The following RCBTB1 variants were observed in gnomAD, a reference collection of about 807,000 sequenced individuals.
RCBTB1 encodes the protein RCC1 and BTB domain-containing protein 1.
In RCBTB1, 46 loss-of-function variants were observed where a neutral mutation model predicts 62.4. The observed-to-expected ratio is 0.74, with a 90% confidence interval of 0.58 to 0.94. The LOEUF (loss-of-function observed/expected upper bound fraction) is 0.94, where lower values mean the gene tolerates loss of function less well. Ranked by LOEUF, RCBTB1 falls within the 40% of genes least tolerant of loss-of-function variation. RCBTB1 has a pLI of 0.00. For synonymous variants in RCBTB1, 222 were observed against 245.8 expected, an observed-to-expected ratio of 0.90 and a Z score of 0.91; for missense variants, 565 against 654.9, an observed-to-expected ratio of 0.86 and a Z score of 1.50.
intron 1 of RCBTB1, among the ~76,000 whole-genome samples, chr13:49,583,004 C>G (rs1413844634): frequency 6.6e-6 from 1 of 152,070 alleles, no homozygotes; most frequent in Non-Finnish European, 1.5e-5. Flanking sequence ...TAGGGAGACC[C>G]TGTCTCTACA....
chr13:49,550,315 T>A (rs1401230707), intron 8 of RCBTB1: 1 of 339,892 alleles, frequency 2.9e-6, no homozygotes, highest in Non-Finnish European at 4.2e-6. Flanking sequence ...TCTCATCTCC[T>A]ACCAGAGCTC....
In RCBTB1 at chr13:49,559,926, C is replaced by G; in HGVS notation, c.436G>C (p.Asp146His). Residue 146 changes from aspartate (D) to histidine (H), a missense_variant, in exon 5 of 13, where the codon GAT becomes CAT. Transcript: ENST00000378302. ...AAAAGCAGCATACTTACCTCTCCAT[C>G]AGCTGCCAGAGCCATTGAATGATGT... is the stretch of plus-strand genomic sequence containing the variant. ...GSHHSMALAA[D>H]GEVFAWGYNN... 6.2e-7 allele frequency: 1 copy of G among 1,612,338 alleles called. No homozygotes were observed. Among genetic ancestry groups the G allele is most frequent in the African/African-American group, 1.3e-5 (1 of 74,936 alleles).
intron 5 of RCBTB1, among the ~76,000 whole-genome samples, chr13:49,556,595 C>A (rs1157419419): frequency 6.6e-6 from 1 of 152,044 alleles, no homozygotes; most frequent in Non-Finnish European, 1.5e-5. Flanking sequence ...AATGTCTAAG[C>A]CCCCGCTCCC....
chr13:49,542,228 A>G (rs954820198), intron 10 of RCBTB1, among the ~76,000 whole-genome samples: 1 of 110,178 alleles, frequency 9.1e-6, no homozygotes, highest in African/African-American at 3.5e-5. Flanking sequence ...AAAAAAAAAA[A>G]GTAAGTATAT....
At chr13:49,550,060 G>A (rs1448828136) in intron 8 of RCBTB1, among the ~76,000 whole-genome samples, 1 of 152,030 alleles carries the variant, frequency 6.6e-6, no homozygotes, top group African/African-American at 2.4e-5. Flanking sequence ...CATGACCATG[G>A]CTCACTGCAG....
chr13:49,568,699 G>C (rs1377032738), intron 2 of RCBTB1, among the ~76,000 whole-genome samples: 4 of 152,088 alleles, frequency 2.6e-5, no homozygotes, highest in Non-Finnish European at 5.9e-5. Context: ...GGGAGGCCAA[G>C]GTGGGCAGAT....
At chr13:49,546,409 C>G in intron 9 of RCBTB1, 1 of 952,990 alleles carries the variant, frequency 1.0e-6, no homozygotes. Context: ...CTTTTTGGTA[C>G]CAGGGACCAG....
At position 49,582,054 on chromosome 13, in the gene RCBTB1, C is replaced by T. The variant is rs1051035679; in HGVS notation, c.-121-1470G>A. Among the ~76,000 whole-genome samples the T allele has an allele frequency of 2.0e-5, 3 of 152,328 alleles. No individual in the cohort carries two copies. In the South Asian group the frequency reaches 6.2e-4, roughly 32 times the overall value. On this transcript the variant is annotated intron_variant, in intron 1 of 12. Transcript: ENST00000378302. ...AGAGTTGCAGGACGTTTTCTGTTAA[C>T]CTTTTTAATGTAAACATTGTTAGAG...
chr13:49,555,402 C>T (rs910898920), intron 6 of RCBTB1, 113 bp downstream of exon 6: 12 of 895,202 alleles, frequency 1.3e-5, no homozygotes, highest in African/African-American at 1.0e-4. Flanking sequence ...TTCAATGGAG[C>T]TACCAAAACA....
chr13:49,544,514 T>C (rs1248050544), intron 10 of RCBTB1, among the ~76,000 whole-genome samples: 2 of 151,880 alleles, frequency 1.3e-5, no homozygotes, highest in Non-Finnish European at 2.9e-5. Flanking sequence ...AAAAAACCAA[T>C]ATGGACAAAT....
intron 5 of RCBTB1, 120 bp downstream of exon 5, chr13:49,559,798 G>T: frequency 1.2e-6 from 1 of 850,754 alleles, no homozygotes; most frequent in Non-Finnish European, 1.8e-6. Context: ...ATGACAAGGT[G>T]AACATACTTA....
intron 4 of RCBTB1, among the ~76,000 whole-genome samples, chr13:49,563,296 G>A (rs957773705): frequency 1.5e-5 from 2 of 132,648 alleles, no homozygotes; most frequent in Non-Finnish European, 1.5e-5. Context: ...AGGTTGCAAT[G>A]AGCCATAATC....
chr13:49,539,019 A>G lies in RCBTB1; in HGVS notation c.1455+1857T>C, dbSNP rs149547943. ...CGAATAGCTGGGATTACAGGTACGC[A>G]CCACCACACCCAGCTAATTTTTGTA... is the stretch of plus-strand genomic sequence containing the variant. On this transcript the variant is annotated intron_variant, in intron 12 of 12. Transcript: ENST00000378302. 9.9e-3 allele frequency among the ~76,000 whole-genome samples: 1,507 copies of G among 151,678 alleles called. 15 individuals carry two copies. Among genetic ancestry groups the G allele is most frequent in the African/African-American group, 9.2e-3 (379 of 41,358 alleles).
chr13:49,578,474 T>C (rs1963916579), intron 2 of RCBTB1, among the ~76,000 whole-genome samples: 1 of 152,152 alleles, frequency 6.6e-6, no homozygotes, highest in African/African-American at 2.4e-5. Flanking sequence ...GCCAGGGACA[T>C]CATAAAGAAT....
At chr13:49,538,154 C>T (rs1960072164) in intron 12 of RCBTB1, 2 of 152,170 alleles carry the variant, frequency 1.3e-5, no homozygotes, top group African/African-American at 2.4e-5. Context: ...CTAATAAACA[C>T]AGTAAGAGGG....
At chr13:49,565,413 T>C (rs1431901984) in intron 4 of RCBTB1, among the ~76,000 whole-genome samples, 1 of 152,056 alleles carries the variant, frequency 6.6e-6, no homozygotes, top group Admixed American at 6.5e-5. Flanking sequence ...AGTGCCGAGA[T>C]TGCAGCCTCT....
chr13:49,566,235 AG>A (rs1962992393), intron 4 of RCBTB1, among the ~76,000 whole-genome samples: 1 of 151,472 alleles, frequency 6.6e-6, no homozygotes, highest in Non-Finnish European at 1.5e-5. Context: ...CCCCTATGCG[AG>A]AAACACCCAA....
rs1959651699 is a variant in RCBTB1 at position 49,532,713 on chromosome 13, A to G, written c.*1409T>C. 1.3e-5 allele frequency: 2 copies of G among 152,036 alleles called. No individual in the cohort carries two copies. The highest frequency in any genetic ancestry group is 6.6e-5 in the Admixed American group (1 of 15,248). The allele number at this position is 152,036 out of a possible 1,614,324, so 9.4% of individuals were successfully genotyped here. ...ATTTAAAAACATTGCTAAAAATAGT[A>G]GTTGTAGCATGTCTTCACCCACTTG... On this transcript the variant is annotated 3_prime_UTR_variant, in exon 13 of 13. Transcript: ENST00000378302.
chr13:49,536,326 G>C (rs1382500604), intron 12 of RCBTB1, among the ~76,000 whole-genome samples: 1 of 152,170 alleles, frequency 6.6e-6, no homozygotes, highest in Non-Finnish European at 1.5e-5. Flanking sequence ...AGGGACGTTT[G>C]AATTTGCAAG....
Sources: gnomAD v4.1 joint callset for allele counts (sites outside exome capture counted in the v4.1 genomes callset) on GRCh38, gnomAD v4.1.1 for gene constraint, MANE v1.5 for transcripts, NCBI Gene and HGNC (gene_info 2026-07-23, HGNC 2026-07-21) for gene names.